Variants in HCK observed in about 807,000 individuals in gnomAD.
HCK encodes the protein tyrosine-protein kinase HCK.
Under a neutral mutation model 70.4 loss-of-function variants are expected in HCK, and 40 were observed. The ratio of observed to expected loss-of-function variants is 0.57; its 90% CI spans 0.44 to 0.74. HCK has a LOEUF of 0.74. HCK is among the 30% of genes least tolerant of loss of function. HCK has a pLI of 0.00. For missense variants in HCK, 568 were observed against 697.2 expected, an observed-to-expected ratio of 0.81 and a Z score of 2.09; for synonymous variants, 245 against 263.2, an observed-to-expected ratio of 0.93 and a Z score of 0.67.
rs763083879 is a variant in HCK at position 32,099,047 on chromosome 20, C to T, written c.1290C>T (p.Asn430=). ...AGTGGACAGCTCCTGAAGCCATCAA[C>T]TTTGGCTCCTTCACCATCAAGTCAG... Residue 430 remains asparagine, a synonymous_variant, in exon 12 of 13, where the codon AAC becomes AAT. Coordinates refer to ENST00000375852, the MANE Select transcript of HCK (RefSeq NM_002110.5). 1.2e-6 allele frequency: 2 copies of T among 1,614,158 alleles called. No individual in the cohort carries two copies. The highest frequency in any genetic ancestry group is 2.2e-5 in the South Asian group (2 of 91,088).
chr20:32,084,078 G>C (rs376306607), intron 7 of HCK, 35 bp downstream of exon 7: 40 of 1,604,094 alleles, frequency 2.5e-5, no homozygotes, highest in Non-Finnish European at 3.0e-5. Flanking sequence ...TCCCCACCAC[G>C]ATGGGCCCAC....
intron 1 of HCK, among the ~76,000 whole-genome samples, chr20:32,063,747 G>C (rs1600710265): frequency 6.6e-6 from 1 of 151,772 alleles, no homozygotes; most frequent in Non-Finnish European, 1.5e-5. Context: ...AATTCCCTCT[G>C]CACTGGGCAA....
intron 1 of HCK, among the ~76,000 whole-genome samples, chr20:32,064,040 G>C (rs564556715): frequency 2.9e-4 from 31 of 107,646 alleles, no homozygotes; most frequent in Non-Finnish European, 4.9e-4. Context: ...GTCTCTCTCT[G>C]TCACCCAGGC....
chr20:32,101,796 T>G lies in HCK; in HGVS notation c.*277T>G, dbSNP rs2046039838. 2 of 359,248 alleles carry G rather than the reference T, an allele frequency of 5.6e-6. No individual in the cohort carries two copies. Among genetic ancestry groups the G allele is most frequent in the East Asian group, 9.2e-5 (2 of 21,762 alleles). 22.3% of individuals were successfully genotyped at this position (359,248 alleles called of 1,614,324 possible). ...TACAGCTGTGATTTGGAAGGGAAACTTTCAAAATAGTGAAATGAATATTTA... is the reference window on the plus strand; with the variant it reads ...TACAGCTGTGATTTGGAAGGGAAACGTTCAAAATAGTGAAATGAATATTTA... On this transcript the variant is annotated 3_prime_UTR_variant, in exon 13 of 13. Coordinates refer to ENST00000375852, the MANE Select transcript of HCK (RefSeq NM_002110.5).
chr20:32,093,490 CGTGTGTGT>C (rs3073297), intron 10 of HCK, among the ~76,000 whole-genome samples: 30 of 146,322 alleles, frequency 2.1e-4, no homozygotes, highest in Non-Finnish European at 3.0e-4. Flanking sequence ...TCCTAGGGTT[CGTGTGTGT>C]GTGTGTGTGT....
At chr20:32,100,611 C>T (rs928541830) in intron 12 of HCK, among the ~76,000 whole-genome samples, 1 of 152,166 alleles carries the variant, frequency 6.6e-6, no homozygotes, top group African/African-American at 2.4e-5. Flanking sequence ...AAAGGAAGCA[C>T]TTGAGTTCAT....
chr20:32,098,224 T>C (rs1276283983), intron 11 of HCK, among the ~76,000 whole-genome samples: 1 of 152,012 alleles, frequency 6.6e-6, no homozygotes, highest in Admixed American at 6.6e-5. Context: ...GTATTTTTAG[T>C]AGAGATGGAG....
At chr20:32,082,414 T>G (rs1311798021) in intron 6 of HCK, among the ~76,000 whole-genome samples, 1 of 151,964 alleles carries the variant, frequency 6.6e-6, no homozygotes, top group Non-Finnish European at 1.5e-5. Context: ...GGCTGAGGCA[T>G]GTGGATCACC....
chr20:32,079,620 C>T (rs2045678838), intron 5 of HCK, among the ~76,000 whole-genome samples, 154 bp from the exon 6 acceptor site: 1 of 152,182 alleles, frequency 6.6e-6, no homozygotes, highest in African/African-American at 2.4e-5. Flanking sequence ...CTTCTCTCCC[C>T]CAAAAAATCT....
At chr20:32,074,765 A>T in intron 5 of HCK, 44 bp downstream of exon 5, 1 of 1,421,178 alleles carries the variant, frequency 7.0e-7, no homozygotes, top group Non-Finnish European at 1.0e-6. Context: ...GCATGAGCAA[A>T]GCCAGCCTTG....
intron 11 of HCK, among the ~76,000 whole-genome samples, chr20:32,095,500 G>A (rs529263175): frequency 6.1e-4 from 93 of 152,010 alleles, no homozygotes; most frequent in Non-Finnish European, 1.1e-3. Flanking sequence ...CAAGTGATCC[G>A]CCCGCCTTGG....
chr20:32,052,761 G>A (rs1030615077), intron 1 of HCK, among the ~76,000 whole-genome samples: 1 of 149,706 alleles, frequency 6.7e-6, no homozygotes, highest in Non-Finnish European at 1.5e-5. Flanking sequence ...CACTTCTCTG[G>A]GCCGTCCAGG....
chr20:32,059,294 TC>T (rs2045327000), intron 1 of HCK, among the ~76,000 whole-genome samples: 1 of 117,862 alleles, frequency 8.5e-6, no homozygotes, highest in South Asian at 2.4e-4. Flanking sequence ...CTTCCTTCCT[TC>T]CCTCCCTCCC....
chr20:32,078,600 T>A (rs2045661912), intron 5 of HCK, among the ~76,000 whole-genome samples: 1 of 151,736 alleles, frequency 6.6e-6, no homozygotes, highest in Non-Finnish European at 1.5e-5. Context: ...CTCATACCTG[T>A]AATCCCATCA....
chr20:32,081,173 G>A (rs976279944), intron 6 of HCK, among the ~76,000 whole-genome samples: 2 of 152,188 alleles, frequency 1.3e-5, no homozygotes, highest in Non-Finnish European at 2.9e-5. Flanking sequence ...AGGAAATGAG[G>A]TAGGATGAGG....
chr20:32,055,977 TC>T (rs1193157041), intron 1 of HCK, among the ~76,000 whole-genome samples: 1 of 152,250 alleles, frequency 6.6e-6, no homozygotes, highest in Non-Finnish European at 1.5e-5. Flanking sequence ...CCAAGGTTCA[TC>T]CACATGGTGG....
rs1222616589 is a variant in HCK, at chr20:32,093,860, C to T, written c.1093-3C>T. 3 of 1,609,054 alleles carry T rather than the reference C, an allele frequency of 1.9e-6. No individual in the cohort carries two copies. The highest frequency in any genetic ancestry group is 2.5e-6 in the Non-Finnish European group (3 of 1,177,606). ...GACAAAGGTGTCTCTGTTTGGGGTG[C>T]AGATTGCAGAAGGCATGGCCTTCAT... On this transcript the variant is annotated splice_region_variant and splice_polypyrimidine_tract_variant and intron_variant, in intron 10 of 12. Coordinates refer to ENST00000375852, the MANE Select transcript of HCK (RefSeq NM_002110.5).
rs200284342 is a variant in HCK, at chr20:32,052,782, TG to T, written c.62+305del. ...TCTGGGCCGTCCAGGTTCCCCTTCT[TG>T]GGGGGGGGCGGGGATTTTTTTTTTA... On this transcript the variant is annotated intron_variant, in intron 1 of 12. Transcript: ENST00000375852. 2.4e-4 allele frequency among the ~76,000 whole-genome samples: 24 copies of T among 99,604 alleles called. 2 individuals are homozygous for T. Among genetic ancestry groups the T allele is most frequent in the South Asian group, 5.8e-4 (2 of 3,456 alleles). 65.3% of individuals were successfully genotyped at this position (99,604 alleles called of 152,430 possible). A position where few individuals can be genotyped will look rare whatever the true frequency, so the allele number is the denominator to read the frequency against.
intron 10 of HCK, among the ~76,000 whole-genome samples, chr20:32,090,042 C>T (rs968547893): frequency 7.2e-5 from 11 of 152,132 alleles, no homozygotes; most frequent in Non-Finnish European, 1.3e-4. Context: ...AATTCAGGGG[C>T]CCAGAGGACA....
Sources: allele counts gnomAD v4.1 joint callset (sites outside exome capture counted in the v4.1 genomes callset), GRCh38; gene constraint gnomAD v4.1.1; transcripts MANE v1.5; gene names NCBI Gene and HGNC (gene_info 2026-07-23, HGNC 2026-07-21).